Variants in COL13A1 observed in about 807,000 individuals in gnomAD.
COL13A1 encodes the protein collagen type XIII alpha 1 chain.
In COL13A1, 89 loss-of-function variants were observed where a neutral mutation model predicts 130.9. That is an observed-to-expected ratio of 0.68 (90% CI 0.57 to 0.81). The LOEUF is 0.81. Ranked by LOEUF, COL13A1 falls within the 30% of genes least tolerant of loss-of-function variation. The pLI is 0.00. For missense variants in COL13A1, 879 were observed against 934.6 expected, an observed-to-expected ratio of 0.94 and a Z score of 0.78; for synonymous variants, 402 against 341.6, an observed-to-expected ratio of 1.18 and a Z score of -1.95.
chr10:69,910,362 C>T (rs1260724209), intron 17 of COL13A1, among the ~76,000 whole-genome samples: 4 of 151,968 alleles, frequency 2.6e-5, no homozygotes, highest in Non-Finnish European at 4.4e-5. Context: ...AGGATGTGAG[C>T]GGGACCTGTG....
intron 16 of COL13A1, 113 bp from the exon 17 acceptor site, chr10:69,905,674 A>G: frequency 8.6e-7 from 1 of 1,160,286 alleles, no homozygotes; most frequent in South Asian, 1.3e-5. Context: ...TTGAAGGGGC[A>G]GTGGAACTTG....
intron 30 of COL13A1, 93 bp downstream of exon 30, chr10:69,930,645 T>C: frequency 7.2e-7 from 1 of 1,396,086 alleles, no homozygotes; most frequent in South Asian, 1.5e-5. Flanking sequence ...TGATGTGAGC[T>C]GCTGCCTGGG....
At chr10:69,886,916 G>A (rs765200218) in intron 7 of COL13A1, among the ~76,000 whole-genome samples, 4 of 152,202 alleles carry the variant, frequency 2.6e-5, no homozygotes, top group Non-Finnish European at 1.5e-5. Flanking sequence ...GGGATGCTCA[G>A]AGATTGCCCA....
chr10:69,893,229 G>A (rs77535242), intron 10 of COL13A1, among the ~76,000 whole-genome samples: 9,426 of 152,340 alleles, frequency 0.062, 560 homozygotes, highest in East Asian at 0.32. Flanking sequence ...GTGTGTGCCT[G>A]TAGACCTAGC....
At chr10:69,923,948 G>T (rs1589548928) in intron 24 of COL13A1, 93 bp downstream of exon 24, 1 of 1,504,226 alleles carries the variant, frequency 6.6e-7, no homozygotes, top group Non-Finnish European at 9.0e-7. Flanking sequence ...ATCCCTCAGG[G>T]CACAAGGCTG....
chr10:69,903,714 G>A (rs74139230), intron 15 of COL13A1, among the ~76,000 whole-genome samples: 2,584 of 152,290 alleles, frequency 0.017, 72 homozygotes, highest in African/African-American at 0.059. Flanking sequence ...TATGACAAAA[G>A]CACCATAAAT....
intron 7 of COL13A1, among the ~76,000 whole-genome samples, chr10:69,887,157 A>C (rs2060670881): frequency 6.6e-6 from 1 of 152,186 alleles, no homozygotes. Context: ...GCGTTTGTTT[A>C]CAAGCCATGC....
At chr10:69,905,994 A>C (rs2135236653) in intron 17 of COL13A1, among the ~76,000 whole-genome samples, 172 bp downstream of exon 17, 1 of 152,326 alleles carries the variant, frequency 6.6e-6, no homozygotes, top group Admixed American at 6.5e-5. Flanking sequence ...GAGCCAAATT[A>C]CTGGGATCCA....
chr10:69,947,360 C>A lies in COL13A1; in HGVS notation c.2058+18C>A. On this transcript the variant is annotated intron_variant, in intron 38 of 40. Transcript: ENST00000645393. ...GAAACCGGGTGAGTCTGAGCCCCTG[C>A]ACTCGTGCTCTAGTTACTAATGTCT... 6.2e-7 allele frequency: 1 copy of A among 1,603,266 alleles called. No homozygotes were observed. Among genetic ancestry groups the A allele is most frequent in the Non-Finnish European group, 8.5e-7 (1 of 1,173,218 alleles).
chr10:69,892,044 T>C (rs2061226982), intron 10 of COL13A1, among the ~76,000 whole-genome samples: 1 of 151,978 alleles, frequency 6.6e-6, no homozygotes, highest in Admixed American at 6.6e-5. Context: ...CCCCACACAC[T>C]TGACCGCCTG....
At chr10:69,819,499 C>T (rs539008582) in intron 1 of COL13A1, among the ~76,000 whole-genome samples, 2 of 152,166 alleles carry the variant, frequency 1.3e-5, no homozygotes, top group Non-Finnish European at 2.9e-5. Context: ...GTGGGAGCTC[C>T]GTAGCTGGGG....
intron 13 of COL13A1, among the ~76,000 whole-genome samples, chr10:69,897,732 C>T (rs1194998813): frequency 1.3e-5 from 2 of 152,166 alleles, no homozygotes; most frequent in Admixed American, 6.5e-5. Context: ...ATTCGCAGCC[C>T]AAGCAGCTCC....
Position 69,917,667 on chromosome 10 carries a change from T to C in COL13A1, c.966+334T>C, listed in dbSNP as rs1269594526. On this transcript the variant is annotated intron_variant, in intron 18 of 40. Coordinates refer to ENST00000645393, the MANE Select transcript of COL13A1 (RefSeq NM_001368882.1). Reference sequence around the variant, plus strand: ...TTTGGGCATCATCTATCTCTCAAAGTGAAATGATATCAGGTGATGTGAAAA... The same window carrying C: ...TTTGGGCATCATCTATCTCTCAAAGCGAAATGATATCAGGTGATGTGAAAA... Among the ~76,000 whole-genome samples the C allele has an allele frequency of 2.6e-5, 4 of 152,022 alleles. No individual in the cohort carries two copies. The South Asian group carries it at 8.3e-4, about 32-fold the overall frequency.
rs904601490 is a variant in COL13A1, at chr10:69,894,424, T to C, written c.604-128T>C. 10 of 1,061,182 alleles carry C rather than the reference T, an allele frequency of 9.4e-6. No individual in the cohort carries two copies. In the African/African-American group the frequency reaches 1.4e-4, roughly 15 times the overall value. The allele number at this position is 1,061,182 out of a possible 1,614,324, so 65.7% of individuals were successfully genotyped here. On this transcript the variant is annotated intron_variant, in intron 10 of 40. Transcript: ENST00000645393. ...TAAGACATCTTGAATGTGGTGGGCATGGGAAGACCTGGCCATGGCTGGTAG... is the reference window on the plus strand; with the variant it reads ...TAAGACATCTTGAATGTGGTGGGCACGGGAAGACCTGGCCATGGCTGGTAG...
intron 39 of COL13A1, chr10:69,955,213 G>A (rs1799063665): frequency 6.6e-6 from 1 of 152,256 alleles, no homozygotes; most frequent in Admixed American, 6.5e-5. Flanking sequence ...GGGCAGTAGG[G>A]ACTTTTTAGG....
In COL13A1 at chr10:69,935,430, G is replaced by A. The variant is rs754296656; in HGVS notation, c.1770+39G>A. On this transcript the variant is annotated intron_variant, in intron 32 of 40. Transcript: ENST00000645393. ...GCTTGTCAGTGGCCAGTCCACTAAT[G>A]TCCCCTCTCCACAGCAGTCACTGGG... is the stretch of plus-strand genomic sequence containing the variant. The A allele has an allele frequency of 8.9e-6, 13 of 1,465,636 alleles. No homozygotes were observed. In the South Asian group the frequency reaches 1.1e-4, roughly 12 times the overall value. The allele number at this position is 1,465,636 out of a possible 1,614,324, so 90.8% of individuals were successfully genotyped here. A position where few individuals can be genotyped will look rare whatever the true frequency, so the allele number is the denominator to read the frequency against.
intron 2 of COL13A1, among the ~76,000 whole-genome samples, chr10:69,866,533 T>A (rs1215860923): frequency 6.6e-6 from 1 of 152,112 alleles, no homozygotes. Context: ...TGGGTGACAT[T>A]CCTCTGCCAC....
chr10:69,849,068 C>T (rs1853961085), intron 2 of COL13A1, among the ~76,000 whole-genome samples: 1 of 152,234 alleles, frequency 6.6e-6, no homozygotes, highest in African/African-American at 2.4e-5. Flanking sequence ...CTGGAATTCT[C>T]TTAACGATTT....
chr10:69,826,360 G>T (rs1396114635), intron 2 of COL13A1, among the ~76,000 whole-genome samples: 1 of 152,240 alleles, frequency 6.6e-6, no homozygotes, highest in African/African-American at 2.4e-5. Flanking sequence ...CAAGGGAAAG[G>T]GTAGGCCAGA....
Sources: gnomAD v4.1 joint callset for allele counts (sites outside exome capture counted in the v4.1 genomes callset) on GRCh38, gnomAD v4.1.1 for gene constraint, MANE v1.5 for transcripts, NCBI Gene and HGNC (gene_info 2026-07-23, HGNC 2026-07-21) for gene names.